Variants in STT3A observed in about 807,000 individuals in gnomAD.
The protein encoded by STT3A is dolichyl-diphosphooligosaccharide--protein glycosyltransferase subunit STT3A.
Under a neutral mutation model 89.2 loss-of-function variants are expected in STT3A, and 34 were observed. The ratio of observed to expected loss-of-function variants is 0.38; its 90% confidence interval spans 0.29 to 0.51. The LOEUF is 0.51. STT3A is among the 20% of genes least tolerant of loss of function. STT3A has a pLI of 0.89. For missense variants in STT3A, 555 were observed against 889.5 expected, an observed-to-expected ratio of 0.62 and a Z score of 4.78; for synonymous variants, 282 against 310.3, an observed-to-expected ratio of 0.91 and a Z score of 0.96.
In STT3A at chr11:125,621,702, TA is replaced by T. The variant is rs1447395591; in HGVS notation, c.*893del. On this transcript the variant is annotated 3_prime_UTR_variant, in exon 18 of 18. Coordinates refer to ENST00000392708, the MANE Select transcript of STT3A (RefSeq NM_152713.5). ...CCTATGTGTTGCTGTTGTATATTGT[TA>T]CCAAGTTCAACTACCTAATTTTGAA... The T allele has an allele frequency of 6.6e-6, 1 of 152,188 alleles. No homozygotes were observed. Among genetic ancestry groups the T allele is most frequent in the East Asian group, 1.9e-4 (1 of 5,198 alleles). 9.4% of individuals were successfully genotyped at this position (152,188 alleles called of 1,614,324 possible).
At chr11:125,615,046 CG>C (rs1447379401) in intron 15 of STT3A, among the ~76,000 whole-genome samples, 2 of 152,012 alleles carry the variant, frequency 1.3e-5, no homozygotes, top group Non-Finnish European at 2.9e-5. Flanking sequence ...GAGGCCAAGG[CG>C]GGCGGATCAC....
At chr11:125,619,051 GT>G (rs1303252132) in intron 16 of STT3A, among the ~76,000 whole-genome samples, 5 of 151,466 alleles carry the variant, frequency 3.3e-5, no homozygotes, top group African/African-American at 1.2e-4. Context: ...TTTTTGTTTT[GT>G]TTTGTTTTGT....
intron 3 of STT3A, among the ~76,000 whole-genome samples, chr11:125,601,522 C>G (rs573529084): frequency 6.6e-6 from 1 of 152,086 alleles, no homozygotes; most frequent in Non-Finnish European, 1.5e-5. Flanking sequence ...TTTCAGAAGG[C>G]TGAGGCAGGA....
intron 15 of STT3A, 149 bp from the exon 16 acceptor site, chr11:125,618,224 G>C (rs1011730098): frequency 1.4e-6 from 1 of 703,566 alleles, no homozygotes; most frequent in African/African-American, 1.8e-5. Context: ...TGCTTTGCCC[G>C]TATGTTGTCC....
At chr11:125,598,730 A>C (rs1939576736) in intron 3 of STT3A, among the ~76,000 whole-genome samples, 2 of 152,024 alleles carry the variant, frequency 1.3e-5, no homozygotes, top group Admixed American at 1.3e-4. Flanking sequence ...TCAGTTTCCC[A>C]AGTAGCTGGG....
upstream of STT3A, chr11:125,592,718 A>C (rs950824405): frequency 3.5e-6 from 1 of 288,942 alleles, no homozygotes; most frequent in Non-Finnish European, 7.0e-6. Flanking sequence ...CCAATTAAAA[A>C]CTTGAATCGC....
intron 4 of STT3A, 23 bp downstream of exon 4, chr11:125,602,447 T>C (rs1236557357): frequency 6.5e-7 from 1 of 1,545,076 alleles, no homozygotes; most frequent in African/African-American, 1.4e-5. Flanking sequence ...GATGTGTTTT[T>C]TTTTTTAAAA....
At position 125,602,524 on chromosome 11, in the gene STT3A, C is replaced by T; in HGVS notation, c.271+100C>T. On this transcript the variant is annotated intron_variant, in intron 4 of 17. Coordinates refer to ENST00000392708, the MANE Select transcript of STT3A (RefSeq NM_152713.5). ...TATTTCTAATAGCTTTGTCTTGTGA[C>T]ACTTGTAATTTCATCCTGATTACAG... is the stretch of plus-strand genomic sequence containing the variant. 4 of 1,335,576 alleles carry T rather than the reference C, an allele frequency of 3.0e-6. No individual in the cohort carries two copies. In the South Asian group the frequency reaches 4.8e-5, roughly 16 times the overall value. The allele number at this position is 1,335,576 out of a possible 1,614,324, so 82.7% of individuals were successfully genotyped here.
At chr11:125,620,415 G>C (rs775020846) in intron 17 of STT3A, among the ~76,000 whole-genome samples, 5 of 152,144 alleles carry the variant, frequency 3.3e-5, no homozygotes, top group Admixed American at 6.5e-5. Flanking sequence ...GGAGAGTGCA[G>C]GAAATAGAGA....
chr11:125,616,122 T>C (rs1257376771), intron 15 of STT3A, among the ~76,000 whole-genome samples: 2 of 152,196 alleles, frequency 1.3e-5, no homozygotes, highest in South Asian at 2.1e-4. Context: ...TAAAAGAAGA[T>C]AGTGTAGTTG....
Position 125,595,900 on chromosome 11 carries a change from A to G in STT3A, c.-16A>G, listed in dbSNP as rs768472631. The G allele has an allele frequency of 1.9e-6, 3 of 1,585,408 alleles. No individual in the cohort carries two copies. The highest frequency in any genetic ancestry group is 2.6e-6 in the Non-Finnish European group (3 of 1,155,126). On this transcript the variant is annotated 5_prime_UTR_variant, in exon 2 of 18. Coordinates refer to ENST00000392708, the MANE Select transcript of STT3A (RefSeq NM_152713.5). Reference sequence around the variant, plus strand: ...TTTTAGCTGATCGTCGTGTGTTGCCACCCATTCATGTCAAGATGACTAAGT... The same window carrying G: ...TTTTAGCTGATCGTCGTGTGTTGCCGCCCATTCATGTCAAGATGACTAAGT...
In STT3A at chr11:125,608,244, G is replaced by A. The variant is rs759030284; in HGVS notation, c.916G>A (p.Val306Ile). 3.1e-6 allele frequency: 5 copies of A among 1,614,118 alleles called. No individual in the cohort carries two copies. The highest frequency in any genetic ancestry group is 4.2e-6 in the Non-Finnish European group (5 of 1,180,014). ...EVLFRSVISL[V>I]GFVLLTVGAL... ...TCTTTTCCGGAGCGTCATCTCTCTG[G>A]TAGGCTTTGTCCTTCTCACCGTGGG... The change falls in exon 9 of 18, where the codon GTA becomes ATA. Residue 306 changes from valine (V) to isoleucine (I), a missense_variant. Physicochemically the swap from Val to Ile is conservative, Grantham distance 29. This residue lies in a region of STT3A where 149 missense variants were observed against 206.2 expected (regional missense o/e 0.72). Coordinates refer to ENST00000392708, the MANE Select transcript of STT3A (RefSeq NM_152713.5).
chr11:125,618,877 G>A (rs1940258802), intron 16 of STT3A, among the ~76,000 whole-genome samples: 1 of 151,740 alleles, frequency 6.6e-6, no homozygotes, highest in Admixed American at 6.6e-5. Context: ...TGGGACTAAG[G>A]TGCACACCAC....
intron 3 of STT3A, among the ~76,000 whole-genome samples, chr11:125,599,533 C>T (rs896657317): frequency 3.9e-5 from 6 of 152,108 alleles, no homozygotes; most frequent in Admixed American, 2.6e-4. Context: ...ACCTCAGCCT[C>T]CCGAGTAGCT....
intron 9 of STT3A, among the ~76,000 whole-genome samples, chr11:125,609,054 A>G (rs1939922361): frequency 1.3e-5 from 2 of 152,174 alleles, no homozygotes; most frequent in Non-Finnish European, 2.9e-5. Context: ...GCTTTCTCAG[A>G]GATGAATTTG....
intron 10 of STT3A, chr11:125,611,212 G>T: frequency 2.4e-6 from 1 of 408,302 alleles, no homozygotes; most frequent in South Asian, 4.0e-5. Flanking sequence ...CTTGTTTTTG[G>T]ACATTTGGGT....
chr11:125,596,943 T>C lies in STT3A; in HGVS notation c.89-116T>C, dbSNP rs527984235. 1.9e-5 allele frequency: 21 copies of C among 1,112,434 alleles called. 1 individual carries two copies. In the South Asian group the frequency reaches 2.9e-4, roughly 15 times the overall value. The allele number at this position is 1,112,434 out of a possible 1,614,324, so 68.9% of individuals were successfully genotyped here. On this transcript the variant is annotated intron_variant, in intron 2 of 17. Coordinates refer to ENST00000392708, the MANE Select transcript of STT3A (RefSeq NM_152713.5). Reference sequence around the variant, plus strand: ...ATGGATAAAGACTTTATTCAGGGATTATTTTATATTTTCTGTGACCTCTCT... The same window carrying C: ...ATGGATAAAGACTTTATTCAGGGATCATTTTATATTTTCTGTGACCTCTCT...
intron 15 of STT3A, among the ~76,000 whole-genome samples, chr11:125,615,394 A>G (rs1940149309): frequency 6.6e-6 from 1 of 152,190 alleles, no homozygotes; most frequent in African/African-American, 2.4e-5. Context: ...TAGTACTTAC[A>G]TGCATATTTC....
chr11:125,592,728 C>G, upstream of STT3A: 1 of 296,818 alleles, frequency 3.4e-6, no homozygotes, highest in Non-Finnish European at 6.8e-6. Context: ...ACTTGAATCG[C>G]GGCCCGGTTT....
Sources: gnomAD v4.1 joint callset for allele counts (sites outside exome capture counted in the v4.1 genomes callset) on GRCh38, gnomAD v4.1.1 for gene constraint, gnomAD v4.1.1 regional missense constraint, MANE v1.5 for transcripts, NCBI Gene and HGNC (gene_info 2026-07-23, HGNC 2026-07-21) for gene names.